The following OGDH variants were observed in gnomAD, a reference collection of about 807,000 sequenced individuals.
The protein encoded by OGDH is 2-oxoglutarate dehydrogenase complex component E1.
OGDH carries 38 observed loss-of-function variants against 116.6 expected under a neutral mutation model. The ratio of observed to expected loss-of-function variants is 0.33; its 90% CI spans 0.25 to 0.43. OGDH has a LOEUF of 0.43. OGDH is among the 20% of genes least tolerant of loss of function. The pLI is 1.00. For synonymous variants in OGDH, 488 were observed against 533.3 expected (o/e 0.92, Z 1.17); for missense variants, 825 against 1,357.2 (o/e 0.61, Z 6.16).
chr7:44,631,665 G>C lies in OGDH; in HGVS notation c.222+7100G>C, dbSNP rs901010709. Among the ~76,000 whole-genome samples the C allele has an allele frequency of 2.0e-5, 3 of 152,250 alleles. No individual in the cohort carries two copies. In the South Asian group the frequency reaches 6.2e-4, roughly 31 times the overall value. ...GAAACATGAAGCAACACCCTCACTT[G>C]TGTGGTAGTTTGCAGCTCATGACAG... On this transcript the variant is annotated intron_variant, in intron 2 of 22. Transcript: ENST00000222673.
chr7:44,637,373 ACAC>A (rs1195112695), intron 2 of OGDH, among the ~76,000 whole-genome samples: 2 of 152,166 alleles, frequency 1.3e-5, no homozygotes, highest in Non-Finnish European at 2.9e-5. Flanking sequence ...CTGTGAATTT[ACAC>A]GTTTACTGGT....
At position 44,681,572 on chromosome 7, in the gene OGDH, G is replaced by A. The variant is rs540619066; in HGVS notation, c.1207-148G>A. On this transcript the variant is annotated intron_variant, in intron 9 of 22. Transcript: ENST00000222673. ...AGGTGCTAGCATGTTGGGGATTTGGGGCCCTGTGGACTTTCCTGCTACTTT... is the reference window on the plus strand; with the variant it reads ...AGGTGCTAGCATGTTGGGGATTTGGAGCCCTGTGGACTTTCCTGCTACTTT... 2.4e-5 allele frequency: 24 copies of A among 1,002,226 alleles called. No homozygotes were observed. In the Admixed American group the frequency reaches 4.8e-4, roughly 20 times the overall value. 62.1% of individuals were successfully genotyped at this position (1,002,226 alleles called of 1,614,324 possible). A position where few individuals can be genotyped will look rare whatever the true frequency, so the allele number is the denominator to read the frequency against.
At chr7:44,692,369 T>C (rs1397116965) in intron 10 of OGDH, among the ~76,000 whole-genome samples, 1 of 152,194 alleles carries the variant, frequency 6.6e-6, no homozygotes, top group African/African-American at 2.4e-5. Context: ...AACCTGGGTG[T>C]ATCATAAAAG....
rs146779926 is a variant in OGDH at position 44,696,992 on chromosome 7, C to T, written c.1979C>T (p.Ala660Val). 174 of 1,614,200 alleles carry T rather than the reference C, an allele frequency of 1.1e-4. 1 individual carries two copies. In the African/African-American group the frequency reaches 1.4e-3, roughly 13 times the overall value. ...TVDWALAEYM[A>V]FGSLLKEGIH... ...GACTGGGCTCTAGCGGAGTACATGG[C>T]GTTTGGCTCGCTCCTGAAGGAGGGC... Residue 660 changes from alanine to valine, a missense_variant, in exon 15 of 23, where the codon GCG (alanine) becomes GTG (valine). Physicochemically the swap from Ala to Val is moderately conservative, Grantham distance 64. Around this residue, in one of 7 missense-constraint regions of OGDH, gnomAD observed 92 missense variants for 129.7 expected, o/e 0.71. Transcript: ENST00000222673.
intron 4 of OGDH, among the ~76,000 whole-genome samples, chr7:44,661,749 C>T (rs1177091263): frequency 6.6e-6 from 1 of 151,824 alleles, no homozygotes; most frequent in Non-Finnish European, 1.5e-5. Flanking sequence ...TTATAGGTGC[C>T]TGCCACCACA....
chr7:44,627,877 A>G (rs920323638), intron 2 of OGDH, among the ~76,000 whole-genome samples: 8 of 152,084 alleles, frequency 5.3e-5, no homozygotes, highest in Admixed American at 2.6e-4. Flanking sequence ...GGGTTTCACC[A>G]TGTTGGCCAG....
At chr7:44,643,374 T>C (rs917304443) in intron 2 of OGDH, among the ~76,000 whole-genome samples, 3 of 152,122 alleles carry the variant, frequency 2.0e-5, no homozygotes, top group African/African-American at 7.2e-5. Flanking sequence ...TACATGCTTA[T>C]TATAGAATGT....
chr7:44,682,400 A>C (rs1218834606), intron 10 of OGDH, among the ~76,000 whole-genome samples: 1 of 151,758 alleles, frequency 6.6e-6, no homozygotes, highest in African/African-American at 2.4e-5. Context: ...AAAAAAAAGA[A>C]AAGAAAAAAA....
At chr7:44,690,144 T>C (rs531206445) in intron 10 of OGDH, among the ~76,000 whole-genome samples, 1 of 152,356 alleles carries the variant, frequency 6.6e-6, no homozygotes, top group Non-Finnish European at 1.5e-5. Flanking sequence ...TTAGCTCCAG[T>C]GGGTGGCTAC....
chr7:44,650,985 G>A lies in OGDH; in HGVS notation c.517+3226G>A, dbSNP rs184580939. 9.2e-5 allele frequency among the ~76,000 whole-genome samples: 14 copies of A among 152,352 alleles called. No homozygotes were observed. In the East Asian group the frequency reaches 9.6e-4, roughly 10 times the overall value. On this transcript the variant is annotated intron_variant, in intron 4 of 22. Transcript: ENST00000222673. ...CTCTCCTTGGGGAAACAGGCTCACA[G>A]CAGTGATCATACCCATGTTGGAACA...
chr7:44,656,552 T>C (rs1051089336), intron 4 of OGDH, among the ~76,000 whole-genome samples: 4 of 152,224 alleles, frequency 2.6e-5, no homozygotes, highest in African/African-American at 4.8e-5. Context: ...GAGCTACTTA[T>C]ATGGTATCGT....
Position 44,673,918 on chromosome 7 carries a change from G to C in OGDH, c.765G>C (p.Leu255=). 6.2e-7 allele frequency: 1 copy of C among 1,614,260 alleles called. No individual in the cohort carries two copies. The change falls in exon 6 of 23, where the codon CTG becomes CTC. Residue 255 remains leucine, a synonymous_variant. Transcript: ENST00000222673. ...QFTNEEKRTL[L]ARLVRSTRFE... is the part of the protein sequence containing the mutation. ...CAAATGAGGAGAAACGGACCCTGCT[G>C]GCCAGGCTTGTGCGGTCCACCAGGT...
chr7:44,673,003 A>G (rs756012042), intron 5 of OGDH, among the ~76,000 whole-genome samples: 3 of 151,832 alleles, frequency 2.0e-5, no homozygotes, highest in Admixed American at 2.0e-4. Context: ...CTCTTCCTGA[A>G]TTCCTCCCTG....
In OGDH at chr7:44,651,402, CTG is replaced by C. The variant is rs1272461088; in HGVS notation, c.517+3645_517+3646del. Among the ~76,000 whole-genome samples, 16 of 152,308 alleles carry C rather than the reference CTG, an allele frequency of 1.1e-4. No individual in the cohort carries two copies. In the East Asian group the frequency reaches 3.1e-3, roughly 29 times the overall value. ...GTAGACTCTTACCAGTTAGGAGAGA[CTG>C]TACAGACACAGAACTCCACAGTAGC... On this transcript the variant is annotated intron_variant, in intron 4 of 22. Coordinates refer to ENST00000222673, the MANE Select transcript of OGDH (RefSeq NM_002541.4).
chr7:44,636,949 C>T (rs917236515), intron 2 of OGDH, among the ~76,000 whole-genome samples: 1 of 152,102 alleles, frequency 6.6e-6, no homozygotes, highest in African/African-American at 2.4e-5. Context: ...CACACAAGCT[C>T]CCTGCCTGCG....
At chr7:44,621,069 T>TTTTG (rs893930247) in intron 1 of OGDH, among the ~76,000 whole-genome samples, 2 of 152,152 alleles carry the variant, frequency 1.3e-5, no homozygotes, top group African/African-American at 2.4e-5. Context: ...ATTTAATATA[T>TTTTG]TTTGTTTGTT....
rs148250207 is a variant in OGDH, at chr7:44,684,586, C to G, written c.1335+2738C>G. ...TTAACTTAATTTGTAGGGTAGTTAC[C>G]CATGCAGTGAGTGGTACTATTCCCA... On this transcript the variant is annotated intron_variant, in intron 10 of 22. Coordinates refer to ENST00000222673, the MANE Select transcript of OGDH (RefSeq NM_002541.4). 3.6e-4 allele frequency among the ~76,000 whole-genome samples: 54 copies of G among 151,992 alleles called. No homozygotes were observed. The East Asian group carries it at 0.01, about 29-fold the overall frequency.
chr7:44,643,877 T>C lies in OGDH; in HGVS notation c.223-1450T>C, dbSNP rs193068655. On this transcript the variant is annotated intron_variant, in intron 2 of 22. Transcript: ENST00000222673. The stretch of plus-strand genomic sequence containing the variant: ...GAATTTTAGAGGCTGGAAAAGGTAT[T>C]GCAGAAAAGAAAAACAATGTTTCTA... Among the ~76,000 whole-genome samples, 117 of 152,338 alleles carry C rather than the reference T, an allele frequency of 7.7e-4. 1 individual carries two copies. Among genetic ancestry groups the C allele is most frequent in the African/African-American group, 2.7e-3 (112 of 41,584 alleles).
intron 7 of OGDH, 66 bp from the exon 8 acceptor site, chr7:44,675,112 C>T: frequency 3.1e-6 from 4 of 1,286,204 alleles, no homozygotes; most frequent in South Asian, 2.4e-5. Context: ...GATTGTAACA[C>T]CCTCATCTGC....
Sources: gnomAD v4.1 joint callset for allele counts (sites outside exome capture counted in the v4.1 genomes callset) on GRCh38, gnomAD v4.1.1 for gene constraint, gnomAD v4.1.1 regional missense constraint, MANE v1.5 for transcripts, NCBI Gene and HGNC (gene_info 2026-07-23, HGNC 2026-07-21) for gene names.